The following DNAJC21 variants were observed in gnomAD, a reference collection of about 807,000 sequenced individuals.
The protein encoded by DNAJC21 is DnaJ heat shock protein family (Hsp40) member C21.
Under a neutral mutation model 72.4 loss-of-function variants are expected in DNAJC21, and 63 were observed. That is an observed-to-expected ratio of 0.87 (90% CI 0.71 to 1.07). The LOEUF (loss-of-function observed/expected upper bound fraction) is 1.07. Ranked by LOEUF, DNAJC21 falls within the 50% of genes least tolerant of loss-of-function variation. The pLI, the probability that DNAJC21 is intolerant of heterozygous loss-of-function variation, is 0.00. For missense variants in DNAJC21, 634 were observed against 644.8 expected (o/e 0.98, Z 0.18); for synonymous variants, 203 against 216.7 (o/e 0.94, Z 0.56).
intron 1 of DNAJC21, 43 bp from the exon 2 acceptor site, chr5:34,933,772 C>T (rs748973165): frequency 6.6e-7 from 1 of 1,512,054 alleles, no homozygotes; most frequent in Admixed American, 1.7e-5. Flanking sequence ...TAGATTCTGT[C>T]CTGTACGTTT....
Position 34,935,775 on chromosome 5 carries a change from T to A in DNAJC21, c.257T>A (p.Leu86Ter). 1 of 1,614,060 alleles carries A rather than the reference T, an allele frequency of 6.2e-7. No homozygotes were observed. Among genetic ancestry groups the A allele is most frequent in the South Asian group, 1.1e-5 (1 of 91,082 alleles). The change falls in exon 3 of 12, where the codon TTA becomes TAA. Residue 86 changes from leucine to a stop codon, truncating the protein, a stop_gained. Transcript: ENST00000648817. LOFTEE classifies it high-confidence loss of function. ...GFDGEYQDDS[L>*]DLLRYFTVTC... ...GATGGCGAATATCAAGATGACAGCT[T>A]AGATTTGCTACGCTATTTCACCGTT... is the stretch of plus-strand genomic sequence containing the variant.
In DNAJC21 at chr5:34,953,986, T is replaced by G. The variant is rs1336939673; in HGVS notation, c.1419T>G (p.Ala473=). The G allele has an allele frequency of 6.2e-7, 1 of 1,611,952 alleles. No homozygotes were observed. The highest frequency in any genetic ancestry group is 8.5e-7 in the Non-Finnish European group (1 of 1,179,306). Residue 473 remains alanine (A), a synonymous_variant, in exon 11 of 12, where the codon GCT becomes GCG. Coordinates refer to ENST00000648817, the MANE Select transcript of DNAJC21 (RefSeq NM_001012339.3). The stretch of plus-strand genomic sequence containing the variant: ...TGAAAAAACCTGTCAGAGTACCTGC[T>G]GAACCACAAACAATGGTAGGTCAAA... ...KDMKKPVRVP[A]EPQTMSVLIS... is the part of the protein sequence containing the mutation.
At chr5:34,947,076 G>A (rs1765195802) in intron 9 of DNAJC21, among the ~76,000 whole-genome samples, 1 of 152,144 alleles carries the variant, frequency 6.6e-6, no homozygotes, top group South Asian at 2.1e-4. Flanking sequence ...AGATTTAAGA[G>A]CAGACGGCAG....
intron 10 of DNAJC21, among the ~76,000 whole-genome samples, chr5:34,953,209 G>A (rs1232969391): frequency 2.0e-5 from 3 of 151,906 alleles, no homozygotes; most frequent in South Asian, 2.1e-4. Context: ...TATGATTACC[G>A]TTGGTTAGTT....
chr5:34,955,854 C>G lies in DNAJC21; in HGVS notation c.*1140C>G, dbSNP rs1343649683. 6.6e-6 allele frequency: 1 copy of G among 150,482 alleles called. No homozygotes were observed. The highest frequency in any genetic ancestry group is 2.4e-5 in the African/African-American group (1 of 40,970). The allele number at this position is 150,482 out of a possible 1,614,324, so 9.3% of individuals were successfully genotyped here. Reference sequence around the variant, plus strand: ...GGATCACGAGGTCAGGAGATCGAGACCATCCCGGCTAAAACGGTGAAACCC... The same window carrying G: ...GGATCACGAGGTCAGGAGATCGAGAGCATCCCGGCTAAAACGGTGAAACCC... On this transcript the variant is annotated 3_prime_UTR_variant, in exon 12 of 12. Transcript: ENST00000648817.
intron 1 of DNAJC21, among the ~76,000 whole-genome samples, chr5:34,931,959 A>G (rs1254294797): frequency 2.0e-5 from 3 of 152,226 alleles, no homozygotes; most frequent in African/African-American, 7.2e-5. Context: ...TCTTCTCTAA[A>G]TATCATCATA....
At chr5:34,949,698 C>T in intron 9 of DNAJC21, 1 of 1,612,436 alleles carries the variant, frequency 6.2e-7, no homozygotes, top group South Asian at 1.1e-5. Context: ...GATATGTTTG[C>T]CAGGCGTCTT....
intron 1 of DNAJC21, among the ~76,000 whole-genome samples, chr5:34,931,153 C>T (rs1366647648): frequency 6.6e-6 from 1 of 151,966 alleles, no homozygotes; most frequent in Admixed American, 6.6e-5. Flanking sequence ...AGGTCAGGGA[C>T]CCAAAGTCAA....
At chr5:34,948,042 C>T (rs1419514254) in intron 9 of DNAJC21, among the ~76,000 whole-genome samples, 1 of 151,864 alleles carries the variant, frequency 6.6e-6, no homozygotes, top group Non-Finnish European at 1.5e-5. Flanking sequence ...ATCCTTGACC[C>T]CTCCCCCAAA....
rs773027182 is a variant in DNAJC21 at position 34,941,153 on chromosome 5, C to G, written c.953C>G (p.Ala318Gly). 6.8e-6 allele frequency: 11 copies of G among 1,613,962 alleles called. No homozygotes were observed. Among genetic ancestry groups the G allele is most frequent in the Non-Finnish European group, 9.3e-6 (11 of 1,180,004 alleles). Residue 318 changes from alanine to glycine, a missense_variant, in exon 7 of 12, where the codon GCA becomes GGA. Ala to Gly is a moderately conservative substitution (Grantham distance 60). Transcript: ENST00000648817. ...AELYDDLYCP[A>G]CDKSFKTEKA... The stretch of plus-strand genomic sequence containing the variant: ...CTCTATGATGACCTTTACTGCCCAG[C>G]ATGTGACAAATCGTTCAAGACAGAA...
chr5:34,951,345 G>A, intron 10 of DNAJC21: 1 of 985,380 alleles, frequency 1.0e-6, no homozygotes, highest in Non-Finnish European at 1.2e-6. Context: ...AAGGACAAAA[G>A]CTATTGAGTA....
rs562262968 is a variant in DNAJC21 at position 34,943,382 on chromosome 5, C to T, written c.984-1485C>T. Reference sequence around the variant, plus strand: ...TGATTAGATTCAGGTTATGCAGCCCCAGGAGGGACGCCGCACAAGCATGTT... The same window carrying T: ...TGATTAGATTCAGGTTATGCAGCCCTAGGAGGGACGCCGCACAAGCATGTT... On this transcript the variant is annotated intron_variant, in intron 7 of 11. Coordinates refer to ENST00000648817, the MANE Select transcript of DNAJC21 (RefSeq NM_001012339.3). Among the ~76,000 whole-genome samples, 3 of 152,248 alleles carry T rather than the reference C, an allele frequency of 2.0e-5. No homozygotes were observed. The South Asian group carries it at 6.2e-4, about 32-fold the overall frequency.
At chr5:34,945,158 A>G (rs1262766561) in intron 8 of DNAJC21, 133 bp downstream of exon 8, 3 of 1,058,228 alleles carry the variant, frequency 2.8e-6, no homozygotes, top group Non-Finnish European at 4.1e-6. Flanking sequence ...GCTCACTGCA[A>G]CCTCCAACTT....
In DNAJC21 at chr5:34,957,797, A is replaced by G. The variant is rs1765577866; in HGVS notation, c.*3083A>G. The G allele has an allele frequency of 6.6e-6, 1 of 152,240 alleles. No individual in the cohort carries two copies. Among genetic ancestry groups the G allele is most frequent in the South Asian group, 2.1e-4 (1 of 4,830 alleles). The allele number at this position is 152,240 out of a possible 1,614,324, so 9.4% of individuals were successfully genotyped here. ...TGGTGATGATTCTAGCCTAACCTTC[A>G]ACATAAAATAATGAAGAGAACTTTT... On this transcript the variant is annotated 3_prime_UTR_variant, in exon 12 of 12. Coordinates refer to ENST00000648817, the MANE Select transcript of DNAJC21 (RefSeq NM_001012339.3).
rs1765546505 is a variant in DNAJC21 at position 34,956,670 on chromosome 5, T to C, written c.*1956T>C. Reference sequence around the variant, plus strand: ...CCTATGACTTCTTTGCTTTCTCTTATACCAAACATGCAGGTATTTAATTTG... The same window carrying C: ...CCTATGACTTCTTTGCTTTCTCTTACACCAAACATGCAGGTATTTAATTTG... On this transcript the variant is annotated 3_prime_UTR_variant, in exon 12 of 12. Coordinates refer to ENST00000648817, the MANE Select transcript of DNAJC21 (RefSeq NM_001012339.3). 6.6e-6 allele frequency: 1 copy of C among 152,232 alleles called. No individual in the cohort carries two copies. The highest frequency in any genetic ancestry group is 1.5e-5 in the Non-Finnish European group (1 of 68,040). 9.4% of individuals were successfully genotyped at this position (152,232 alleles called of 1,614,324 possible).
In DNAJC21 at chr5:34,955,265, TG is replaced by T. The variant is rs1329398012; in HGVS notation, c.*553del. 3 of 152,244 alleles carry T rather than the reference TG, an allele frequency of 2.0e-5. No individual in the cohort carries two copies. Among genetic ancestry groups the T allele is most frequent in the African/African-American group, 7.2e-5 (3 of 41,474 alleles). The allele number at this position is 152,244 out of a possible 1,614,324, so 9.4% of individuals were successfully genotyped here. A position where few individuals can be genotyped will look rare whatever the true frequency, so the allele number is the denominator to read the frequency against. The stretch of plus-strand genomic sequence containing the variant: ...GATAGGTAGAAACTAATTGAACATT[TG>T]GTAGTCTTTCAAGAATAGTGTCTCT... On this transcript the variant is annotated 3_prime_UTR_variant, in exon 12 of 12. Transcript: ENST00000648817.
chr5:34,937,559 G>C lies in DNAJC21; in HGVS notation c.672G>C (p.Val224=). The C allele has an allele frequency of 6.2e-7, 1 of 1,613,976 alleles. No individual in the cohort carries two copies. Among genetic ancestry groups the C allele is most frequent in the Non-Finnish European group, 8.5e-7 (1 of 1,179,880 alleles). Residue 224 remains valine (V), a synonymous_variant, in exon 5 of 12, where the codon GTG becomes GTC. Transcript: ENST00000648817. ...GAGTGCAGGCGCATCGAAAACTTGT[G>C]GAAGAACAGAATGCAGAGAAGGCGA... ...DKRVQAHRKL[V]EEQNAEKARK... is the part of the protein sequence containing the mutation.
In DNAJC21 at chr5:34,957,808, A is replaced by G. The variant is rs1765577959; in HGVS notation, c.*3094A>G. 1 of 152,256 alleles carries G rather than the reference A, an allele frequency of 6.6e-6. No homozygotes were observed. The highest frequency in any genetic ancestry group is 2.4e-5 in the African/African-American group (1 of 41,468). 9.4% of individuals were successfully genotyped at this position (152,256 alleles called of 1,614,324 possible). ...CTAGCCTAACCTTCAACATAAAATA[A>G]TGAAGAGAACTTTTAAACTTTTTTA... On this transcript the variant is annotated 3_prime_UTR_variant, in exon 12 of 12. Transcript: ENST00000648817.
At chr5:34,938,167 T>C (rs1202511476) in intron 5 of DNAJC21, among the ~76,000 whole-genome samples, 1 of 152,194 alleles carries the variant, frequency 6.6e-6, no homozygotes, top group African/African-American at 2.4e-5. Flanking sequence ...TTTAGACTTT[T>C]GTAAAACTTA....
Sources: allele counts gnomAD v4.1 joint callset (sites outside exome capture counted in the v4.1 genomes callset), GRCh38; gene constraint gnomAD v4.1.1; transcripts MANE v1.5; gene names NCBI Gene and HGNC (gene_info 2026-07-23, HGNC 2026-07-21).